Variants in GPC6 observed in about 807,000 individuals in gnomAD.
GPC6 encodes glypican 6.
Under a neutral mutation model 55.2 loss-of-function variants are expected in GPC6, and 14 were observed. That is an observed-to-expected ratio of 0.25 (90% CI 0.17 to 0.40). The LOEUF is 0.40. GPC6 is among the 10% of genes least tolerant of loss of function. The probability of loss-of-function intolerance (pLI) is 1.00; values close to 1 mark genes in which losing one functional copy is unlikely to be tolerated. For missense variants in GPC6, 641 were observed against 708.5 expected, an observed-to-expected ratio of 0.90 and a Z score of 1.08; for synonymous variants, 278 against 259.6, an observed-to-expected ratio of 1.07 and a Z score of -0.68.
intron 2 of GPC6, among the ~76,000 whole-genome samples, chr13:93,696,373 A>G (rs1882453249): frequency 6.6e-6 from 1 of 152,300 alleles, no homozygotes; most frequent in Non-Finnish European, 1.5e-5. Context: ...AATAATCCAC[A>G]TACTAAATAA....
intron 1 of GPC6, among the ~76,000 whole-genome samples, chr13:93,441,491 C>A (rs779332269): frequency 2.6e-5 from 4 of 152,158 alleles, no homozygotes; most frequent in Non-Finnish European, 4.4e-5. Flanking sequence ...TAAATGTCTT[C>A]TTTTGAGAAG....
chr13:93,355,473 GT>G (rs1880813079), intron 1 of GPC6, among the ~76,000 whole-genome samples: 1 of 152,174 alleles, frequency 6.6e-6, no homozygotes, highest in Admixed American at 6.5e-5. Context: ...GGTTTGGGAG[GT>G]AAGAAGAGAA....
chr13:94,279,288 T>C (rs747627799), intron 4 of GPC6, among the ~76,000 whole-genome samples: 1 of 152,108 alleles, frequency 6.6e-6, no homozygotes, highest in East Asian at 1.9e-4. Context: ...TGATATCCCC[T>C]TTATCATTTT....
intron 1 of GPC6, among the ~76,000 whole-genome samples, chr13:93,248,979 C>G (rs1234488998): frequency 6.6e-6 from 1 of 152,178 alleles, no homozygotes; most frequent in East Asian, 1.9e-4. Flanking sequence ...GTAAAGGATA[C>G]TGAACATTGA....
At position 93,341,695 on chromosome 13, in the gene GPC6, C is replaced by CT. The variant is rs34604793; in HGVS notation, c.160+114092dup. Among the ~76,000 whole-genome samples the CT allele has an allele frequency of 5.9e-3, 835 of 142,584 alleles. 2 individuals are homozygous for CT. Among genetic ancestry groups the CT allele is most frequent in the Non-Finnish European group, 9.6e-3 (626 of 65,242 alleles). 93.5% of individuals were successfully genotyped at this position (142,584 alleles called of 152,430 possible). A position where few individuals can be genotyped will look rare whatever the true frequency, so the allele number is the denominator to read the frequency against. On this transcript the variant is annotated intron_variant, in intron 1 of 8. Transcript: ENST00000377047. ...CAAATATTGTCTGTTTACTCCGCTG[C>CT]TTTTTTTTTTTTTCTTTTTTTTGCT...
intron 4 of GPC6, among the ~76,000 whole-genome samples, chr13:94,210,596 A>G (rs142302632): frequency 6.6e-6 from 1 of 152,342 alleles, no homozygotes; most frequent in East Asian, 1.9e-4. Context: ...AAATCAGAGT[A>G]AATTAGAATT....
chr13:94,031,220 CA>C (rs1047839710), intron 4 of GPC6, among the ~76,000 whole-genome samples: 6 of 152,064 alleles, frequency 3.9e-5, no homozygotes, highest in Admixed American at 3.9e-4. Flanking sequence ...AGGAATTGCT[CA>C]AAAGATTCTT....
In GPC6 at chr13:94,136,383, C is replaced by T. The variant is rs530342391; in HGVS notation, c.877+108489C>T. On this transcript the variant is annotated intron_variant, in intron 4 of 8. Coordinates refer to ENST00000377047, the MANE Select transcript of GPC6 (RefSeq NM_005708.5). ...TGGCGATAAGAAGGGTGTGCATGGA[C>T]TGGATATGAAGGACCTTGAATGCTG... 2.0e-5 allele frequency among the ~76,000 whole-genome samples: 3 copies of T among 152,190 alleles called. No homozygotes were observed. In the East Asian group the frequency reaches 5.8e-4, roughly 29 times the overall value.
At chr13:93,266,687 A>ATAAGGAAGAATGACTG (rs1250804157) in intron 1 of GPC6, among the ~76,000 whole-genome samples, 5 of 152,170 alleles carry the variant, frequency 3.3e-5, no homozygotes, top group African/African-American at 1.2e-4. Flanking sequence ...TCTCAATAGA[A>ATAAGGAAGAATGACTG]TAAGGAAGAA....
At chr13:93,685,354 T>A (rs1303734611) in intron 2 of GPC6, among the ~76,000 whole-genome samples, 4 of 152,182 alleles carry the variant, frequency 2.6e-5, no homozygotes, top group Non-Finnish European at 5.9e-5. Flanking sequence ...GGTTGTCAAT[T>A]GCCTTATATC....
chr13:93,586,863 A>T (rs1015085349), intron 2 of GPC6, among the ~76,000 whole-genome samples: 1 of 152,164 alleles, frequency 6.6e-6, no homozygotes, highest in Non-Finnish European at 1.5e-5. Flanking sequence ...AGTACTGGTT[A>T]TTGGGGATTC....
At chr13:94,391,986 A>C (rs1360546677) in intron 7 of GPC6, among the ~76,000 whole-genome samples, 1 of 152,206 alleles carries the variant, frequency 6.6e-6, no homozygotes, top group Non-Finnish European at 1.5e-5. Context: ...TTCCTTTCTA[A>C]GGCTGAATTA....
chr13:94,049,995 C>T (rs1476308499), intron 4 of GPC6, among the ~76,000 whole-genome samples: 3 of 152,102 alleles, frequency 2.0e-5, no homozygotes, highest in Non-Finnish European at 4.4e-5. Context: ...CTCATTCTCT[C>T]TTGTCTGCTG....
chr13:93,335,044 A>G (rs888140747), intron 1 of GPC6, among the ~76,000 whole-genome samples: 3 of 152,196 alleles, frequency 2.0e-5, no homozygotes, highest in African/African-American at 4.8e-5. Flanking sequence ...CCACAGGGCA[A>G]TGTTTCTTCC....
intron 3 of GPC6, among the ~76,000 whole-genome samples, chr13:93,939,794 T>A (rs554451807): frequency 4.1e-4 from 63 of 152,266 alleles, no homozygotes; most frequent in African/African-American, 1.4e-3. Context: ...TTCTTTTTTT[T>A]AAATAACTAT....
At chr13:93,800,338 A>T (rs1241248000) in intron 2 of GPC6, among the ~76,000 whole-genome samples, 3 of 152,224 alleles carry the variant, frequency 2.0e-5, no homozygotes, top group African/African-American at 7.2e-5. Flanking sequence ...GCAAAGCTGA[A>T]TATAGAGTGA....
chr13:94,008,792 C>T (rs1394042939), intron 3 of GPC6, among the ~76,000 whole-genome samples: 1 of 152,044 alleles, frequency 6.6e-6, no homozygotes, highest in Non-Finnish European at 1.5e-5. Context: ...ATTTGCAAGC[C>T]ATTATTATCC....
chr13:93,753,721 C>T (rs970504573), intron 2 of GPC6, among the ~76,000 whole-genome samples: 1 of 152,090 alleles, frequency 6.6e-6, no homozygotes, highest in East Asian at 1.9e-4. Context: ...CCCCCAACCC[C>T]TCCACCAACC....
intron 6 of GPC6, among the ~76,000 whole-genome samples, chr13:94,311,106 C>A (rs1472837981): frequency 1.3e-5 from 2 of 152,140 alleles, no homozygotes; most frequent in Non-Finnish European, 2.9e-5. Context: ...GAAAGATTAC[C>A]CCCAATATGG....
Sources: allele counts gnomAD v4.1 joint callset (sites outside exome capture counted in the v4.1 genomes callset), GRCh38; gene constraint gnomAD v4.1.1; transcripts MANE v1.5; gene names NCBI Gene and HGNC (gene_info 2026-07-23, HGNC 2026-07-21).